Variants in KRT8 observed in about 807,000 individuals in gnomAD.
KRT8 encodes the protein keratin 8.
A neutral mutation model predicts 43.0 loss-of-function variants in KRT8; 24 were observed. That is an observed-to-expected ratio of 0.56 (90% CI 0.40 to 0.78). KRT8 has a LOEUF of 0.78. KRT8 is among the 30% of genes least tolerant of loss of function. The pLI is 0.00. For synonymous variants in KRT8, 214 were observed against 261.2 expected (o/e 0.82, Z 1.74); for missense variants, 492 against 638.4 (o/e 0.77, Z 2.47).
At chr12:52,926,347 C>G (rs1191186327) in intron 2 of KRT8, 1 of 1,054,206 alleles carries the variant, frequency 9.5e-7, no homozygotes, top group African/African-American at 1.6e-5. Flanking sequence ...CCCCACCCCA[C>G]CCCCAGGACT....
chr12:52,929,513 T>C (rs1197693846), intron 2 of KRT8, among the ~76,000 whole-genome samples: 1 of 152,106 alleles, frequency 6.6e-6, no homozygotes, highest in Non-Finnish European at 1.5e-5. Context: ...AAAAGACAAT[T>C]CCTTTGGCTT....
At chr12:52,903,693 G>A (rs1283674213) in intron 1 of KRT8, 1 of 152,428 alleles carries the variant, frequency 6.6e-6, no homozygotes, top group Non-Finnish European at 1.5e-5. Context: ...CGCGAGAAAG[G>A]GACACGGGCT....
intron 3 of KRT8, 38 bp from the exon 4 acceptor site, chr12:52,900,721 C>G (rs756224658): frequency 1.4e-6 from 2 of 1,448,080 alleles, no homozygotes; most frequent in Admixed American, 3.3e-5. Flanking sequence ...GCTGGGTTTC[C>G]ACACCCAACC....
At chr12:52,945,823 C>T (rs1243536244) in intron 2 of KRT8, among the ~76,000 whole-genome samples, 1 of 152,148 alleles carries the variant, frequency 6.6e-6, no homozygotes, top group Non-Finnish European at 1.5e-5. Flanking sequence ...CCCTCCTGCT[C>T]CACCCTTTCC....
At chr12:52,935,045 C>T (rs1441296634) in intron 2 of KRT8, among the ~76,000 whole-genome samples, 2 of 150,674 alleles carry the variant, frequency 1.3e-5, no homozygotes, top group Non-Finnish European at 3.0e-5. Flanking sequence ...AATACAAATA[C>T]TCCAGCATGG....
At position 52,897,631 on chromosome 12, in the gene KRT8, A is replaced by AT; in HGVS notation, c.1262-14_1262-13insA. The AT allele has an allele frequency of 1.3e-6, 2 of 1,597,966 alleles. No individual in the cohort carries two copies. The highest frequency in any genetic ancestry group is 1.7e-6 in the Non-Finnish European group (2 of 1,179,912). ...GAGCTCAGACCACCTGGTGAGGGAC[A>AT]GAGGTAGCCACATGAGTACAGAAGC... On this transcript the variant is annotated splice_polypyrimidine_tract_variant and intron_variant, in intron 7 of 7. Coordinates refer to ENST00000692008, the Ensembl canonical transcript of KRT8.
At chr12:52,920,842 C>G (rs1941869130) in intron 2 of KRT8, among the ~76,000 whole-genome samples, 1 of 152,168 alleles carries the variant, frequency 6.6e-6, no homozygotes, top group African/African-American at 2.4e-5. Context: ...AGTTCAAGAC[C>G]AGCCTGGACA....
exon 8 of KRT8, chr12:52,897,337 C>T: frequency 8.1e-7 from 1 of 1,238,784 alleles, no homozygotes. Flanking sequence ...AGGTGGGTCT[C>T]CTGTTCCCAG....
At chr12:52,940,325 C>T (rs1942244868) in intron 2 of KRT8, among the ~76,000 whole-genome samples, 1 of 150,314 alleles carries the variant, frequency 6.7e-6, no homozygotes. Flanking sequence ...CCCAGCTACT[C>T]GGGAGGCTAA....
intron 2 of KRT8, among the ~76,000 whole-genome samples, chr12:52,914,248 A>AG (rs1415390027): frequency 1.3e-5 from 2 of 150,822 alleles, no homozygotes; most frequent in African/African-American, 4.9e-5. Flanking sequence ...AAAACAAAAA[A>AG]AAAATCCACC....
chr12:52,903,897 G>A (rs1174396827), intron 1 of KRT8, among the ~76,000 whole-genome samples: 1 of 23,040 alleles, frequency 4.3e-5, no homozygotes, highest in Non-Finnish European at 8.8e-5. Context: ...CACCGCCCCC[G>A]ACGCCGAGCT....
chr12:52,905,680 G>T (rs1217290344), upstream of KRT8, among the ~76,000 whole-genome samples: 1 of 151,946 alleles, frequency 6.6e-6, no homozygotes, highest in Non-Finnish European at 1.5e-5. Context: ...TTTGTGGAAT[G>T]AATGAATGAA....
chr12:52,899,229 A>G (rs1327242723), intron 5 of KRT8, among the ~76,000 whole-genome samples: 2 of 152,040 alleles, frequency 1.3e-5, no homozygotes, highest in African/African-American at 4.8e-5. Context: ...TCAGGAGAAT[A>G]GTGTGAACCC....
In KRT8 at chr12:52,901,713, A is replaced by T. The variant is rs1941374243; in HGVS notation, c.533+151T>A. ...GCTAGGAACCTGGGCATAAACACAGACTGTTCCGAGCAAACCTCATCAGGT... is the reference window on the plus strand; with the variant it reads ...GCTAGGAACCTGGGCATAAACACAGTCTGTTCCGAGCAAACCTCATCAGGT... On this transcript the variant is annotated intron_variant, in intron 2 of 7. Transcript: ENST00000692008. The T allele has an allele frequency of 8.9e-6, 6 of 674,462 alleles. No homozygotes were observed. The Admixed American group carries it at 1.3e-4, about 15-fold the overall frequency. 41.8% of individuals were successfully genotyped at this position (674,462 alleles called of 1,614,324 possible).
upstream of KRT8, among the ~76,000 whole-genome samples, chr12:52,910,362 A>G (rs1941610548): frequency 6.6e-6 from 1 of 152,158 alleles, no homozygotes; most frequent in Non-Finnish European, 1.5e-5. Context: ...TTAGGAACAC[A>G]CTTTCTTCCT....
chr12:52,927,654 C>T (rs556969554), intron 2 of KRT8, among the ~76,000 whole-genome samples: 12 of 152,296 alleles, frequency 7.9e-5, no homozygotes, highest in African/African-American at 2.6e-4. Context: ...TGGGCAGAGC[C>T]GAGCCTGAAA....
chr12:52,926,515 C>T, intron 2 of KRT8: 6 of 1,502,592 alleles, frequency 4.0e-6, no homozygotes, highest in Non-Finnish European at 5.4e-6. Context: ...GCCCCAGTCA[C>T]CTCTGCCGGA....
chr12:52,928,583 A>G (rs1942032881), intron 2 of KRT8, among the ~76,000 whole-genome samples: 1 of 151,974 alleles, frequency 6.6e-6, no homozygotes, highest in South Asian at 2.1e-4. Flanking sequence ...ACTTGTAGTC[A>G]TGCTCATGTC....
At chr12:52,901,547 C>T in intron 2 of KRT8, 1 of 556,056 alleles carries the variant, frequency 1.8e-6, no homozygotes, top group Non-Finnish European at 3.2e-6. Flanking sequence ...AAAGAGGGGC[C>T]AGAATGTTAA....
Sources: gnomAD v4.1 joint callset for allele counts (sites outside exome capture counted in the v4.1 genomes callset) on GRCh38, gnomAD v4.1.1 for gene constraint, MANE v1.5 for transcripts, NCBI Gene and HGNC (gene_info 2026-07-23, HGNC 2026-07-21) for gene names.